The following UGGT1 variants were observed in gnomAD, a reference collection of about 807,000 sequenced individuals.
UGGT1 encodes the protein UDP-glucose:glycoprotein glucosyltransferase 1.
In UGGT1, 107 loss-of-function variants were observed where a neutral mutation model predicts 203.9. The observed-to-expected ratio is 0.52, with a 90% CI of 0.45 to 0.62. UGGT1 has a LOEUF of 0.62. Among genes scored for constraint, UGGT1 ranks in the 20% least tolerant of loss-of-function variants. The pLI is 0.00. For missense variants in UGGT1, 1,673 were observed against 1,867.2 expected (o/e 0.90, Z 1.92); for synonymous variants, 628 against 653.5 (o/e 0.96, Z 0.59).
intron 15 of UGGT1, among the ~76,000 whole-genome samples, chr2:128,135,582 A>G (rs1689095941): frequency 6.6e-6 from 1 of 152,230 alleles, no homozygotes; most frequent in Admixed American, 6.5e-5. Context: ...TCTTTATTCA[A>G]TAAATATTAC....
At chr2:128,173,992 C>T in intron 30 of UGGT1, 53 bp downstream of exon 30, 2 of 1,584,466 alleles carry the variant, frequency 1.3e-6, no homozygotes, top group Non-Finnish European at 1.7e-6. Flanking sequence ...AATTTGGGCA[C>T]TATAATTTAT....
rs942859815 is a variant in UGGT1, at chr2:128,120,220, C to A, written c.873-136C>A. The stretch of plus-strand genomic sequence containing the variant: ...TTTTTAAAGAGGAATAATTATACTT[C>A]ATTTTTTCCCCCTATGTCGTAGAAA... On this transcript the variant is annotated intron_variant, in intron 8 of 40. Coordinates refer to ENST00000259253, the MANE Select transcript of UGGT1 (RefSeq NM_020120.4). 12 of 671,538 alleles carry A rather than the reference C, an allele frequency of 1.8e-5. No individual in the cohort carries two copies. In the African/African-American group the frequency reaches 1.8e-4, roughly 10 times the overall value. 41.6% of individuals were successfully genotyped at this position (671,538 alleles called of 1,614,324 possible).
In UGGT1 at chr2:128,113,105, A is replaced by G; in HGVS notation, c.543A>G (p.Lys181=). 1 of 1,595,196 alleles carries G rather than the reference A, an allele frequency of 6.3e-7. No homozygotes were observed. The change falls in exon 6 of 41, where the codon AAA becomes AAG. Residue 181 remains lysine, a synonymous_variant. Transcript: ENST00000259253. ...ASERPKPLLF[K]GDHRYPSSNP... is the part of the protein sequence containing the mutation. ...TCAGACCCAAACCTTTATTGTTCAA[A>G]GGAGATCACAGATATCCCTCGTCTA...
At chr2:128,111,488 T>A (rs7580481) in intron 5 of UGGT1, among the ~76,000 whole-genome samples, 1 of 152,140 alleles carries the variant, frequency 6.6e-6, no homozygotes, top group Non-Finnish European at 1.5e-5. Flanking sequence ...TTTATACTTA[T>A]ATTTTTATTT....
intron 18 of UGGT1, among the ~76,000 whole-genome samples, chr2:128,152,331 C>T (rs147773201): frequency 1.3e-5 from 2 of 152,272 alleles, no homozygotes; most frequent in African/African-American, 4.8e-5. Context: ...CCATGCCCGG[C>T]TACTTTTGTA....
chr2:128,122,562 C>T (rs1471372968), intron 10 of UGGT1, among the ~76,000 whole-genome samples: 2 of 151,534 alleles, frequency 1.3e-5, no homozygotes, highest in African/African-American at 4.8e-5. Flanking sequence ...TTTGTTTGTA[C>T]GTTTTCTGAC....
In UGGT1 at chr2:128,103,247, C is replaced by T; in HGVS notation, c.195-685C>T. The T allele has an allele frequency of 8.9e-6, 3 of 336,624 alleles. 1 individual carries two copies. The highest frequency in any genetic ancestry group is 2.5e-5 in the South Asian group (1 of 40,108). The allele number at this position is 336,624 out of a possible 1,614,324, so 20.9% of individuals were successfully genotyped here. ...GAGAAGATAAGCAATTGACATGAAT[C>T]ATTCAATTACTACGTGCATTTCCTC... On this transcript the variant is annotated intron_variant, in intron 2 of 40. Coordinates refer to ENST00000259253, the MANE Select transcript of UGGT1 (RefSeq NM_020120.4).
intron 3 of UGGT1, among the ~76,000 whole-genome samples, chr2:128,105,304 A>T (rs1386467179): frequency 1.3e-5 from 2 of 149,666 alleles, no homozygotes; most frequent in African/African-American, 4.9e-5. Flanking sequence ...CTAGCCAAAG[A>T]TTTATTTTAT....
chr2:128,118,732 T>G (rs80207753), intron 8 of UGGT1, among the ~76,000 whole-genome samples: 1 of 152,120 alleles, frequency 6.6e-6, no homozygotes, highest in East Asian at 1.9e-4. Flanking sequence ...CTTTTTTTTT[T>G]GTTTGAGACA....
chr2:128,099,270 A>G (rs1442133573), intron 2 of UGGT1, among the ~76,000 whole-genome samples: 2 of 151,988 alleles, frequency 1.3e-5, no homozygotes, highest in Non-Finnish European at 2.9e-5. Flanking sequence ...AGGCCTCCCT[A>G]GTAGCTGGGA....
Position 128,120,467 on chromosome 2 carries a change from C to T in UGGT1, c.973+11C>T, listed in dbSNP as rs1558767123. ...TTTGGCAGTTGCAAGGTAATGAAAACAGGGAGAGGTCATTGGCCTACTTTT... is the reference window on the plus strand; with the variant it reads ...TTTGGCAGTTGCAAGGTAATGAAAATAGGGAGAGGTCATTGGCCTACTTTT... On this transcript the variant is annotated intron_variant, in intron 9 of 40. Transcript: ENST00000259253. 2 of 1,606,490 alleles carry T rather than the reference C, an allele frequency of 1.2e-6. No individual in the cohort carries two copies. Among genetic ancestry groups the T allele is most frequent in the East Asian group, 2.2e-5 (1 of 44,812 alleles).
rs1688965967 is a variant in UGGT1, at chr2:128,133,203, G to C, written c.1440G>C (p.Leu480Phe). 1 of 1,613,998 alleles carries C rather than the reference G, an allele frequency of 6.2e-7. No individual in the cohort carries two copies. Among genetic ancestry groups the C allele is most frequent in the Non-Finnish European group, 8.5e-7 (1 of 1,179,980 alleles). The change falls in exon 14 of 41, where the codon TTG (leucine) becomes TTC (phenylalanine). Residue 480 changes from leucine (L) to phenylalanine (F), a missense_variant. Physicochemically the swap from Leu to Phe is conservative, Grantham distance 22. This residue lies in a region of UGGT1 where 1,073 missense variants were observed against 1,078.7 expected (regional missense o/e 0.99). Transcript: ENST00000259253. ...YNSWPSSLQE[L>F]LRPTFPGVIR... is the part of the protein sequence containing the mutation. ...CGTGGCCTTCTAGTTTACAAGAGTT[G>C]CTTCGACCCACCTTTCCTGGTGTTA...
intron 1 of UGGT1, among the ~76,000 whole-genome samples, chr2:128,096,465 C>G (rs1172805428): frequency 3.3e-5 from 5 of 152,190 alleles, no homozygotes; most frequent in Non-Finnish European, 5.9e-5. Flanking sequence ...TCTTCAGCTT[C>G]TGGTAGTTTC....
chr2:128,191,323 C>G lies in UGGT1; in HGVS notation c.*1581C>G, dbSNP rs1206904211. On this transcript the variant is annotated 3_prime_UTR_variant, in exon 41 of 41. Transcript: ENST00000259253. The stretch of plus-strand genomic sequence containing the variant: ...TGCAAAAGTTAGCCTAGGAAGCCTC[C>G]CAGTCATCCTGAAGGACCTTTTGAC... The G allele has an allele frequency of 2.0e-5, 3 of 152,112 alleles. No homozygotes were observed. The highest frequency in any genetic ancestry group is 4.4e-5 in the Non-Finnish European group (3 of 68,018). 9.4% of individuals were successfully genotyped at this position (152,112 alleles called of 1,614,324 possible).
chr2:128,118,557 TC>T (rs1419911159), intron 8 of UGGT1, among the ~76,000 whole-genome samples: 1 of 152,132 alleles, frequency 6.6e-6, no homozygotes, highest in African/African-American at 2.4e-5. Context: ...GAGCTACCAC[TC>T]CCAGCTTCAG....
intron 39 of UGGT1, 145 bp downstream of exon 39, chr2:128,186,944 G>C (rs533827738): frequency 1.7e-6 from 1 of 601,562 alleles, no homozygotes; most frequent in Non-Finnish European, 2.9e-6. Context: ...AGTTTGTCGG[G>C]GCTATTCTTA....
At chr2:128,163,078 A>G (rs1304565533) in intron 25 of UGGT1, among the ~76,000 whole-genome samples, 2 of 152,042 alleles carry the variant, frequency 1.3e-5, no homozygotes, top group East Asian at 1.9e-4. Context: ...GTATACTTTG[A>G]TCATTGTTCT....
chr2:128,188,109 C>G (rs369424628), intron 40 of UGGT1, among the ~76,000 whole-genome samples: 3 of 151,794 alleles, frequency 2.0e-5, no homozygotes. Flanking sequence ...CAGCCTCCAC[C>G]TCCCAGGTTC....
intron 1 of UGGT1, among the ~76,000 whole-genome samples, chr2:128,092,851 TA>T: frequency 6.6e-6 from 1 of 152,238 alleles, no homozygotes; most frequent in Non-Finnish European, 1.5e-5. Flanking sequence ...TAGAACTTGT[TA>T]AAGAGTGTTT....
Sources: allele counts gnomAD v4.1 joint callset (sites outside exome capture counted in the v4.1 genomes callset), GRCh38; gene constraint gnomAD v4.1.1; regional missense constraint gnomAD v4.1.1; transcripts MANE v1.5; gene names NCBI Gene and HGNC (gene_info 2026-07-23, HGNC 2026-07-21).